Variants in MORF4L1 observed in about 807,000 individuals in gnomAD.
MORF4L1 encodes the protein mortality factor 4 like 1.
A neutral mutation model predicts 52.9 loss-of-function variants in MORF4L1; 4 were observed. The observed-to-expected ratio is 0.08, with a 90% CI of 0.04 to 0.17. The LOEUF is 0.17. Among genes scored for constraint, MORF4L1 ranks in the 10% least tolerant of loss-of-function variants. The pLI, the probability that MORF4L1 is intolerant of heterozygous loss-of-function variation, is 1.00. For missense variants in MORF4L1, 214 were observed against 390.4 expected (o/e 0.55, Z 3.81); for synonymous variants, 123 against 134.8 (o/e 0.91, Z 0.61).
chr15:78,884,336 ACT>A (rs890656419), intron 3 of MORF4L1, among the ~76,000 whole-genome samples: 2 of 151,952 alleles, frequency 1.3e-5, no homozygotes, highest in African/African-American at 2.4e-5. Flanking sequence ...TGGTGGTGAA[ACT>A]CTGTCTCTAC....
At chr15:78,895,038 G>GT (rs2141487488) in intron 11 of MORF4L1, 134 bp downstream of exon 11, 1 of 702,552 alleles carries the variant, frequency 1.4e-6, no homozygotes, top group East Asian at 2.8e-5. Flanking sequence ...AGCAGTAAAA[G>GT]TAAGTGCAAA....
chr15:78,893,657 C>T, intron 9 of MORF4L1, 30 bp downstream of exon 9: 1 of 1,410,500 alleles, frequency 7.1e-7, no homozygotes, highest in Non-Finnish European at 9.8e-7. Flanking sequence ...AGATGACACT[C>T]AAAAGACATT....
intron 11 of MORF4L1, 36 bp from the exon 12 acceptor site, chr15:78,896,947 C>T: frequency 1.9e-6 from 3 of 1,550,772 alleles, no homozygotes; most frequent in Non-Finnish European, 2.7e-6. Context: ...AGATAATGAC[C>T]TTTAAAAATT....
At chr15:78,874,100 T>A (rs1220224860) in intron 1 of MORF4L1, among the ~76,000 whole-genome samples, 1 of 151,754 alleles carries the variant, frequency 6.6e-6, no homozygotes, top group African/African-American at 2.4e-5. Context: ...TTCACAACGC[T>A]TCAGTTAACG....
chr15:78,872,941 G>A lies in MORF4L1; in HGVS notation c.-77G>A, dbSNP rs2056393932. 10 of 1,512,560 alleles carry A rather than the reference G, an allele frequency of 6.6e-6. 1 individual carries two copies. The Middle Eastern group carries it at 7.1e-4, about 107-fold the overall frequency. 93.7% of individuals were successfully genotyped at this position (1,512,560 alleles called of 1,614,324 possible). ...CAGTGCCTGACGGCGCGTCTGACGC[G>A]GAGTTGGGTGGGGTAGAGAGTAGGG... On this transcript the variant is annotated 5_prime_UTR_variant, in exon 1 of 12. Coordinates refer to ENST00000426013, the MANE Select transcript of MORF4L1 (RefSeq NM_006791.4).
chr15:78,894,623 G>A (rs1255063823), intron 10 of MORF4L1, 197 bp from the exon 11 acceptor site: 6 of 536,818 alleles, frequency 1.1e-5, no homozygotes, highest in Non-Finnish European at 2.0e-5. Context: ...TCGCCAGGGT[G>A]GTCTTGAATA....
At chr15:78,879,208 T>G (rs551004778) in intron 2 of MORF4L1, among the ~76,000 whole-genome samples, 1 of 152,090 alleles carries the variant, frequency 6.6e-6, no homozygotes, top group Non-Finnish European at 1.5e-5. Flanking sequence ...CTCTCTCTCT[T>G]TATTTTTATG....
At chr15:78,875,471 A>C (rs1187168952) in intron 1 of MORF4L1, among the ~76,000 whole-genome samples, 1 of 152,206 alleles carries the variant, frequency 6.6e-6, no homozygotes, top group Non-Finnish European at 1.5e-5. Context: ...ACCACGTTTT[A>C]AAAATGATTT....
chr15:78,875,932 T>G (rs1277364617), intron 1 of MORF4L1, among the ~76,000 whole-genome samples: 3 of 148,048 alleles, frequency 2.0e-5, no homozygotes, highest in Non-Finnish European at 4.4e-5. Context: ...TAGTGTTTTT[T>G]TGTTTTGTTT....
At chr15:78,883,818 T>C (rs141098250) in intron 3 of MORF4L1, among the ~76,000 whole-genome samples, 24 of 152,304 alleles carry the variant, frequency 1.6e-4, no homozygotes, top group African/African-American at 5.3e-4. Flanking sequence ...GGAGGAGTTA[T>C]TCAGATACCT....
intron 3 of MORF4L1, among the ~76,000 whole-genome samples, chr15:78,882,019 T>G (rs929236767): frequency 3.3e-5 from 5 of 152,230 alleles, no homozygotes. Context: ...GGAAGTTGTT[T>G]TCACGTATCA....
chr15:78,887,679 A>G (rs1350351004), intron 5 of MORF4L1, among the ~76,000 whole-genome samples: 1 of 152,262 alleles, frequency 6.6e-6, no homozygotes, highest in Non-Finnish European at 1.5e-5. Flanking sequence ...AGTGCTAAAA[A>G]TACATACGAA....
At chr15:78,874,459 C>G (rs1026740523) in intron 1 of MORF4L1, among the ~76,000 whole-genome samples, 1 of 152,172 alleles carries the variant, frequency 6.6e-6, no homozygotes, top group Non-Finnish European at 1.5e-5. Context: ...CTCTGCCCCC[C>G]ACCCGGGCTA....
At chr15:78,879,080 G>A (rs2056550312) in intron 2 of MORF4L1, among the ~76,000 whole-genome samples, 1 of 151,516 alleles carries the variant, frequency 6.6e-6, no homozygotes, top group Non-Finnish European at 1.5e-5. Context: ...TATTTTTAAA[G>A]TTCTAAAGAG....
At chr15:78,878,735 G>A (rs1411295073) in intron 2 of MORF4L1, among the ~76,000 whole-genome samples, 1 of 152,202 alleles carries the variant, frequency 6.6e-6, no homozygotes, top group Non-Finnish European at 1.5e-5. Context: ...ATCAGGGTGT[G>A]CTCAAGTTAT....
Position 78,897,627 on chromosome 15 carries a change from T to C in MORF4L1, c.*560T>C, listed in dbSNP as rs1296744764. On this transcript the variant is annotated 3_prime_UTR_variant, in exon 12 of 12. Transcript: ENST00000426013. ...TTTTTGTATTTGTGTCTAATGCACG[T>C]TTTAACATGATAGACGCAATGCATT... is the stretch of plus-strand genomic sequence containing the variant. 1 of 152,772 alleles carries C rather than the reference T, an allele frequency of 6.5e-6. No individual in the cohort carries two copies. Among genetic ancestry groups the C allele is most frequent in the East Asian group, 1.9e-4 (1 of 5,206 alleles). 9.5% of individuals were successfully genotyped at this position (152,772 alleles called of 1,614,324 possible).
At chr15:78,880,160 ATAGTT>A (rs1336860432) in intron 2 of MORF4L1, among the ~76,000 whole-genome samples, 3 of 152,228 alleles carry the variant, frequency 2.0e-5, no homozygotes, top group Non-Finnish European at 4.4e-5. Context: ...TTTTTATAAT[ATAGTT>A]TAAAGACTTT....
Position 78,897,010 on chromosome 15 carries a change from G to C in MORF4L1, c.915G>C (p.Leu305Phe). 1 of 1,613,098 alleles carries C rather than the reference G, an allele frequency of 6.2e-7. No individual in the cohort carries two copies. Among genetic ancestry groups the C allele is most frequent in the Non-Finnish European group, 8.5e-7 (1 of 1,179,620 alleles). ...ACCTGGCAAAGAATTCTGCAACTTT[G>C]TTCAGTGCCAGCGATTATGAAGTGG... Reference protein sequence around the residue: ...LKYLAKNSATLFSASDYEVAP... With the variant: ...LKYLAKNSATFFSASDYEVAP... The change falls in exon 12 of 12, where the codon TTG becomes TTC. Residue 305 changes from leucine (L) to phenylalanine (F), a missense_variant. Transcript: ENST00000426013.
At chr15:78,879,857 A>G (rs564491616) in intron 2 of MORF4L1, among the ~76,000 whole-genome samples, 21 of 152,186 alleles carry the variant, frequency 1.4e-4, no homozygotes, top group African/African-American at 4.6e-4. Context: ...GGCAAACTCT[A>G]CTAAACTGGC....
Sources: gnomAD v4.1 joint callset for allele counts (sites outside exome capture counted in the v4.1 genomes callset) on GRCh38, gnomAD v4.1.1 for gene constraint, MANE v1.5 for transcripts, NCBI Gene and HGNC (gene_info 2026-07-23, HGNC 2026-07-21) for gene names.